ATP9B: variants seen among roughly 807,000 people sequenced by gnomAD.
ATP9B encodes ATPase phospholipid transporting 9B, also known as probable phospholipid-transporting ATPase IIB.
A neutral mutation model predicts 146.1 loss-of-function variants in ATP9B; 110 were observed. The observed-to-expected ratio is 0.75, with a 90% confidence interval of 0.65 to 0.88. The LOEUF is 0.88. ATP9B is among the 40% of genes least tolerant of loss of function. The probability of loss-of-function intolerance (pLI) is 0.00; values close to 1 mark genes in which losing one functional copy is unlikely to be tolerated. For synonymous variants in ATP9B, 604 were observed against 569.7 expected (o/e 1.06, Z -0.86); for missense variants, 1,499 against 1,496.4 (o/e 1.00, Z -0.03).
intron 13 of ATP9B, among the ~76,000 whole-genome samples, chr18:79,280,855 A>G (rs1259946332): frequency 6.6e-6 from 1 of 152,248 alleles, no homozygotes; most frequent in Non-Finnish European, 1.5e-5. Context: ...ATTTTTAGAA[A>G]TTGAAGTATA....
chr18:79,331,639 G>T (rs1021132883), intron 17 of ATP9B, among the ~76,000 whole-genome samples: 1 of 151,970 alleles, frequency 6.6e-6, no homozygotes, highest in Non-Finnish European at 1.5e-5. Context: ...GATTCTTCGA[G>T]CTGGAGTTAA....
At position 79,232,639 on chromosome 18, in the gene ATP9B, A is replaced by G. The variant is rs1283456595; in HGVS notation, c.1107+18601A>G. On this transcript the variant is annotated intron_variant, in intron 11 of 29. Transcript: ENST00000426216. ...AGTCTGAAGAAACAAAGCAAGCATCATAGCCAGACTCAGGTATGACGCAGA... is the reference window on the plus strand; with the variant it reads ...AGTCTGAAGAAACAAAGCAAGCATCGTAGCCAGACTCAGGTATGACGCAGA... Among the ~76,000 whole-genome samples, 8 of 152,226 alleles carry G rather than the reference A, an allele frequency of 5.3e-5. No homozygotes were observed. In the South Asian group the frequency reaches 8.3e-4, roughly 16 times the overall value.
intron 15 of ATP9B, among the ~76,000 whole-genome samples, chr18:79,324,915 GTA>G (rs2146968540): frequency 1.3e-5 from 2 of 152,282 alleles, no homozygotes; most frequent in South Asian, 4.1e-4. Context: ...TTCCAACATT[GTA>G]CATAGTCATT....
At chr18:79,351,591 A>G (rs2096922694) in intron 25 of ATP9B, among the ~76,000 whole-genome samples, 1 of 152,260 alleles carries the variant, frequency 6.6e-6, no homozygotes, top group Admixed American at 6.5e-5. Context: ...AATCATGTCT[A>G]TGATAAACTG....
intron 7 of ATP9B, among the ~76,000 whole-genome samples, chr18:79,161,467 T>C (rs1009249640): frequency 1.3e-5 from 2 of 152,210 alleles, no homozygotes; most frequent in Admixed American, 6.5e-5. Context: ...CTGTAGTTTG[T>C]TTTAATCTAT....
chr18:79,114,018 T>A (rs541262693), intron 4 of ATP9B, among the ~76,000 whole-genome samples: 16 of 152,312 alleles, frequency 1.1e-4, no homozygotes, highest in Admixed American at 3.3e-4. Flanking sequence ...ACCCTGTCAC[T>A]GGAGTGTAGT....
At chr18:79,168,819 C>T (rs1484071874) in intron 7 of ATP9B, among the ~76,000 whole-genome samples, 2 of 152,034 alleles carry the variant, frequency 1.3e-5, no homozygotes, top group African/African-American at 4.8e-5. Context: ...TCTGTTTCTC[C>T]CCTGACAGTC....
chr18:79,276,994 G>C (rs1353975310), intron 12 of ATP9B, 60 bp from the exon 13 acceptor site: 7 of 1,564,030 alleles, frequency 4.5e-6, no homozygotes, highest in Non-Finnish European at 6.1e-6. Context: ...GGCAGTTTGG[G>C]TGTGAACTTG....
At chr18:79,074,193 G>A (rs904603120) in intron 1 of ATP9B, among the ~76,000 whole-genome samples, 10 of 152,116 alleles carry the variant, frequency 6.6e-5, no homozygotes, top group Non-Finnish European at 1.2e-4. Flanking sequence ...TTGGTGCTGC[G>A]TGAGAGGGAA....
At chr18:79,079,294 C>T (rs1445184339) in intron 1 of ATP9B, among the ~76,000 whole-genome samples, 1 of 152,156 alleles carries the variant, frequency 6.6e-6, no homozygotes, top group Non-Finnish European at 1.5e-5. Flanking sequence ...TAAAAGTGTT[C>T]CTGTTTCTCC....
At chr18:79,256,823 A>G (rs1273669479) in intron 12 of ATP9B, among the ~76,000 whole-genome samples, 1 of 152,154 alleles carries the variant, frequency 6.6e-6, no homozygotes, top group African/African-American at 2.4e-5. Flanking sequence ...CCTTCTTGGC[A>G]TTACTGCAGT....
intron 2 of ATP9B, among the ~76,000 whole-genome samples, chr18:79,104,186 C>G (rs564285695): frequency 5.5e-4 from 84 of 152,262 alleles, no homozygotes; most frequent in Non-Finnish European, 1.1e-3. Context: ...CCTGGTCTCC[C>G]CATCCTAGAG....
At chr18:79,114,576 A>G (rs753984476) in intron 4 of ATP9B, among the ~76,000 whole-genome samples, 7 of 152,182 alleles carry the variant, frequency 4.6e-5, no homozygotes, top group Non-Finnish European at 7.4e-5. Flanking sequence ...ATGCTGAGGG[A>G]AATTTTTTGA....
rs143854161 is a variant in ATP9B at position 79,220,651 on chromosome 18, G to T, written c.1107+6613G>T. ...AAAAATACAGCCACTATTGTAGATT[G>T]TATGTCAAGGCAAATTGAGCATCAT... On this transcript the variant is annotated intron_variant, in intron 11 of 29. Coordinates refer to ENST00000426216, the MANE Select transcript of ATP9B (RefSeq NM_198531.5). Among the ~76,000 whole-genome samples the T allele has an allele frequency of 4.7e-3, 722 of 152,248 alleles. 5 individuals are homozygous for T. Among genetic ancestry groups the T allele is most frequent in the African/African-American group, 0.016 (665 of 41,520 alleles).
At chr18:79,356,149 A>C (rs643023) in intron 25 of ATP9B, among the ~76,000 whole-genome samples, 152,306 of 152,308 alleles carry the variant, frequency 1, 76,152 homozygotes, top group Middle Eastern at 1. Flanking sequence ...TGAAATGATG[A>C]GCGCATCGTC....
chr18:79,373,945 G>A lies in ATP9B; in HGVS notation c.3118G>A (p.Val1040Ile), dbSNP rs147249454. ...GALVLFESEF[V>I]HVVAISFTAL... is the part of the protein sequence containing the mutation. ...CCTGGTGCTCTTCGAGTCTGAGTTC[G>A]TCCACGTGGTGGCCATCTCCTTCAC... is the stretch of plus-strand genomic sequence containing the variant. Residue 1040 changes from valine (V) to isoleucine (I), a missense_variant, in exon 28 of 30, where the codon GTC becomes ATC. By Grantham distance (29) the Val-to-Ile change is conservative. Transcript: ENST00000426216. 5.4e-4 allele frequency: 879 copies of A among 1,613,676 alleles called. 5 individuals are homozygous for A. In the African/African-American group the frequency reaches 0.011, roughly 19 times the overall value.
At chr18:79,113,171 A>G in intron 3 of ATP9B, 70 bp from the exon 4 acceptor site, 1 of 750,564 alleles carries the variant, frequency 1.3e-6, no homozygotes, top group East Asian at 2.6e-5. Context: ...TGCAGATTTT[A>G]ATTGTTTAAT....
At chr18:79,328,903 T>C (rs2096775448) in intron 15 of ATP9B, among the ~76,000 whole-genome samples, 2 of 152,214 alleles carry the variant, frequency 1.3e-5, no homozygotes, top group African/African-American at 4.8e-5. Flanking sequence ...TTATGATCCA[T>C]AATGGTCTTT....
intron 9 of ATP9B, among the ~76,000 whole-genome samples, chr18:79,203,128 G>C (rs11873620): frequency 6.6e-6 from 1 of 152,220 alleles, no homozygotes; most frequent in African/African-American, 2.4e-5. Context: ...GGAGGAGCAG[G>C]TGCCTGATGC....
Sources: gnomAD v4.1 joint callset for allele counts (sites outside exome capture counted in the v4.1 genomes callset) on GRCh38, gnomAD v4.1.1 for gene constraint, MANE v1.5 for transcripts, NCBI Gene and HGNC (gene_info 2026-07-23, HGNC 2026-07-21) for gene names.